Variants in KIF26B observed in about 807,000 individuals in gnomAD.
KIF26B encodes the protein kinesin-like protein KIF26B.
A neutral mutation model predicts 151.2 loss-of-function variants in KIF26B; 63 were observed. The observed-to-expected ratio is 0.42, with a 90% CI of 0.34 to 0.51. The LOEUF (loss-of-function observed/expected upper bound fraction) is 0.51. KIF26B is among the 20% of genes least tolerant of loss of function. The pLI, the probability that KIF26B is intolerant of heterozygous loss-of-function variation, is 0.07. For synonymous variants in KIF26B, 1,357 were observed against 1,262.1 expected (o/e 1.08, Z -1.59); for missense variants, 2,813 against 2,913.6 (o/e 0.97, Z 0.79).
chr1:245,675,844 A>G, intron 10 of KIF26B, among the ~76,000 whole-genome samples: 1 of 152,120 alleles, frequency 6.6e-6, no homozygotes, highest in East Asian at 1.9e-4. Flanking sequence ...GATTATTTTT[A>G]CCCCATATAA....
chr1:245,569,024 A>G (rs953415232), intron 5 of KIF26B, among the ~76,000 whole-genome samples: 1 of 152,234 alleles, frequency 6.6e-6, no homozygotes, highest in Non-Finnish European at 1.5e-5. Flanking sequence ...CACTGGGCTC[A>G]GATGAGAAAT....
At position 245,688,822 on chromosome 1, in the gene KIF26B, G is replaced by A. The variant is rs759067516; in HGVS notation, c.5824+15G>A. The A allele has an allele frequency of 4.5e-6, 7 of 1,554,076 alleles. No homozygotes were observed. The highest frequency in any genetic ancestry group is 1.8e-4 in the Middle Eastern group (1 of 5,684). On this transcript the variant is annotated intron_variant, in intron 12 of 14. Transcript: ENST00000407071. ...CTCCAATCCAGGTAGGCGGCTGGGCGCAGGGACGCGGGTGAGGAGGGCGGC... is the reference window on the plus strand; with the variant it reads ...CTCCAATCCAGGTAGGCGGCTGGGCACAGGGACGCGGGTGAGGAGGGCGGC...
chr1:245,178,705 C>T (rs1668853777), intron 2 of KIF26B, among the ~76,000 whole-genome samples: 1 of 152,184 alleles, frequency 6.6e-6, no homozygotes, highest in Non-Finnish European at 1.5e-5. Context: ...TGCTCCTTTT[C>T]TAGTAGTTTC....
chr1:245,583,826 A>G (rs1166750047), intron 5 of KIF26B, among the ~76,000 whole-genome samples: 1 of 152,212 alleles, frequency 6.6e-6, no homozygotes, highest in African/African-American at 2.4e-5. Flanking sequence ...TACCCTGCCC[A>G]GTGAGGGCTC....
chr1:245,226,346 C>A (rs1669873065), intron 2 of KIF26B, among the ~76,000 whole-genome samples: 1 of 152,220 alleles, frequency 6.6e-6, no homozygotes, highest in Admixed American at 6.5e-5. Context: ...CTTGTCCCAG[C>A]AGAGACTGAA....
chr1:245,499,368 C>T (rs779865691), intron 4 of KIF26B, among the ~76,000 whole-genome samples: 9 of 152,066 alleles, frequency 5.9e-5, no homozygotes, highest in Non-Finnish European at 1.0e-4. Flanking sequence ...AGCCCAGATA[C>T]GCAGGTGATT....
At chr1:245,322,478 G>C (rs1163459878) in intron 2 of KIF26B, among the ~76,000 whole-genome samples, 1 of 152,144 alleles carries the variant, frequency 6.6e-6, no homozygotes, top group African/African-American at 2.4e-5. Flanking sequence ...GAACAACTCA[G>C]ACACATGTCC....
Position 245,685,614 on chromosome 1 carries a change from C to T in KIF26B, c.2631C>T (p.Asp877=), listed in dbSNP as rs773098469. ...GGCCCAACGGCACGGCCCTCTCTGA[C>T]AAGGAGCTCACCGACAACGAGGGCC... The part of the protein sequence containing the change: ...YIGPNGTALS[D]KELTDNEGPP... The change falls in exon 12 of 15, where the codon GAC becomes GAT. Residue 877 remains aspartate (D), a synonymous_variant. Transcript: ENST00000407071. 7 of 1,613,610 alleles carry T rather than the reference C, an allele frequency of 4.3e-6. No individual in the cohort carries two copies. Among genetic ancestry groups the T allele is most frequent in the Non-Finnish European group, 5.9e-6 (7 of 1,179,870 alleles).
At chr1:245,196,818 G>C (rs143325102) in intron 2 of KIF26B, among the ~76,000 whole-genome samples, 1 of 152,176 alleles carries the variant, frequency 6.6e-6, no homozygotes, top group East Asian at 1.9e-4. Context: ...ACCTCAAATG[G>C]TTCCGAGCAT....
At chr1:245,378,247 CT>C (rs762296649) in intron 3 of KIF26B, among the ~76,000 whole-genome samples, 29 of 149,530 alleles carry the variant, frequency 1.9e-4, no homozygotes, top group Non-Finnish European at 3.7e-4. Flanking sequence ...AGGTAAGATG[CT>C]GTGTGCCTTC....
At chr1:245,405,855 G>T (rs1458692699) in intron 3 of KIF26B, among the ~76,000 whole-genome samples, 1 of 152,156 alleles carries the variant, frequency 6.6e-6, no homozygotes, top group South Asian at 2.1e-4. Flanking sequence ...AGAATACAAG[G>T]TTTGGTGTCA....
At chr1:245,430,869 T>C (rs1054991159) in intron 4 of KIF26B, among the ~76,000 whole-genome samples, 1 of 152,112 alleles carries the variant, frequency 6.6e-6, no homozygotes, top group Non-Finnish European at 1.5e-5. Flanking sequence ...AGGCAACGCA[T>C]AGGGATCCGA....
At chr1:245,585,484 T>G (rs1299980573) in intron 5 of KIF26B, among the ~76,000 whole-genome samples, 1 of 151,700 alleles carries the variant, frequency 6.6e-6, no homozygotes. Context: ...AATTAATACG[T>G]GATCCTGAGG....
chr1:245,333,804 C>G (rs541912376), intron 2 of KIF26B, among the ~76,000 whole-genome samples: 1 of 152,150 alleles, frequency 6.6e-6, no homozygotes, highest in Non-Finnish European at 1.5e-5. Flanking sequence ...TTGAGACCAG[C>G]CTGGCCAACA....
chr1:245,556,134 C>T (rs968252653), intron 5 of KIF26B, among the ~76,000 whole-genome samples: 1 of 152,200 alleles, frequency 6.6e-6, no homozygotes, highest in Non-Finnish European at 1.5e-5. Flanking sequence ...GCTATGCTGG[C>T]TATGCTATGA....
intron 4 of KIF26B, among the ~76,000 whole-genome samples, chr1:245,433,931 T>C (rs1479447935): frequency 6.6e-6 from 1 of 152,052 alleles, no homozygotes; most frequent in Non-Finnish European, 1.5e-5. Flanking sequence ...AGAGAAATTC[T>C]CTTGGGGGTC....
At chr1:245,310,095 CAAT>C in intron 2 of KIF26B, among the ~76,000 whole-genome samples, 1 of 147,158 alleles carries the variant, frequency 6.8e-6, no homozygotes, top group Middle Eastern at 3.6e-3. Context: ...TATAATAAAT[CAAT>C]AAATATATAT....
In KIF26B at chr1:245,352,628, T is replaced by G. The variant is rs775608769; in HGVS notation, c.466-14206T>G. On this transcript the variant is annotated intron_variant, in intron 2 of 14. Transcript: ENST00000407071. This position sits in a 1 kb window ranked among gnomAD's most constrained non-coding sequence, Gnocchi z 5.0. The stretch of plus-strand genomic sequence containing the variant: ...AGTACAGTTTTGTCATTTTAATCCT[T>G]TTTTGGACCACAACAATCACTTTAC... Among the ~76,000 whole-genome samples, 19 of 152,160 alleles carry G rather than the reference T, an allele frequency of 1.2e-4. No homozygotes were observed. Among genetic ancestry groups the G allele is most frequent in the Non-Finnish European group, 1.8e-4 (12 of 68,038 alleles).
intron 2 of KIF26B, among the ~76,000 whole-genome samples, chr1:245,353,204 C>G (rs1236707325): frequency 6.6e-6 from 1 of 152,128 alleles, no homozygotes; most frequent in African/African-American, 2.4e-5. Context: ...GTTGGAATGA[C>G]TAGAGGCAGC....
Sources: gnomAD v4.1 joint callset for allele counts (sites outside exome capture counted in the v4.1 genomes callset) on GRCh38, gnomAD v4.1.1 for gene constraint, Gnocchi (gnomAD v3.1) non-coding constraint, MANE v1.5 for transcripts, NCBI Gene and HGNC (gene_info 2026-07-23, HGNC 2026-07-21) for gene names.